CPLANE1: variants seen among roughly 807,000 people sequenced by gnomAD.
The protein encoded by CPLANE1 is ciliogenesis and planar polarity effector 1.
Under a neutral mutation model 362.5 loss-of-function variants are expected in CPLANE1, and 263 were observed. The ratio of observed to expected loss-of-function variants is 0.73; its 90% CI spans 0.66 to 0.80. CPLANE1 has a LOEUF of 0.80. Among genes scored for constraint, CPLANE1 ranks in the 30% least tolerant of loss-of-function variants. The pLI, the probability that CPLANE1 is intolerant of heterozygous loss-of-function variation, is 0.00. For synonymous variants in CPLANE1, 1,212 were observed against 1,302.6 expected (o/e 0.93, Z 1.50); for missense variants, 3,461 against 3,793.4 (o/e 0.91, Z 2.30).
Position 37,209,407 on chromosome 5 carries a change from G to A in CPLANE1, c.2921-2982C>T. The A allele has an allele frequency of 1.6e-6, 2 of 1,263,876 alleles. No homozygotes were observed. Among genetic ancestry groups the A allele is most frequent in the East Asian group, 4.6e-5 (2 of 43,020 alleles). The allele number at this position is 1,263,876 out of a possible 1,614,324, so 78.3% of individuals were successfully genotyped here. On this transcript the variant is annotated intron_variant, in intron 16 of 52. Transcript: ENST00000651892. This position sits in a 1 kb window ranked among gnomAD's most constrained non-coding sequence, Gnocchi z 4.6. The stretch of plus-strand genomic sequence containing the variant: ...ATGCTCCCCGTGGCTGATGTGTTGA[G>A]TCAAAATGAACTGCGCAAAAAGCTA...
In CPLANE1 at chr5:37,230,941, T is replaced by C; in HGVS notation, c.1047A>G (p.Thr349=). The C allele has an allele frequency of 1.3e-6, 2 of 1,550,902 alleles. No individual in the cohort carries two copies. Among genetic ancestry groups the C allele is most frequent in the Non-Finnish European group, 1.7e-6 (2 of 1,146,622 alleles). Residue 349 remains threonine (T), a synonymous_variant, in exon 9 of 53, where the codon ACA becomes ACG. Coordinates refer to ENST00000651892, the MANE Select transcript of CPLANE1 (RefSeq NM_001384732.1). ...VLLTCQGELL[T]LITFGCSIEF... ...CTATAGAGCAACCAAATGTAATTAA[T>C]GTTAGCAATTCACCTTGGCAGGTCA...
chr5:37,141,572 C>A (rs902294885), intron 44 of CPLANE1: 4 of 955,102 alleles, frequency 4.2e-6, no homozygotes, highest in Non-Finnish European at 5.0e-6. Flanking sequence ...ACAGTAATGC[C>A]ATTTAAAATA....
the CPLANE1 span, among the ~76,000 whole-genome samples, chr5:37,100,940 C>A: frequency 6.6e-6 from 1 of 152,066 alleles, no homozygotes; most frequent in Non-Finnish European, 1.5e-5. Flanking sequence ...GGAATGTCAG[C>A]GATTTTTGCA....
At chr5:37,211,611 G>C in intron 16 of CPLANE1, 1 of 866,072 alleles carries the variant, frequency 1.2e-6, no homozygotes, top group South Asian at 1.3e-5. Flanking sequence ...CCTTGAAAGT[G>C]AAATATATCT....
At chr5:37,095,089 A>C in the CPLANE1 span, among the ~76,000 whole-genome samples, 1 of 152,202 alleles carries the variant, frequency 6.6e-6, no homozygotes, top group East Asian at 1.9e-4. Context: ...CTATGAAGCC[A>C]GTTATCACCC....
intron 16 of CPLANE1, among the ~76,000 whole-genome samples, chr5:37,208,248 C>A (rs1791398393): frequency 6.6e-6 from 1 of 152,228 alleles, no homozygotes; most frequent in Admixed American, 6.5e-5. Flanking sequence ...CCCAGCCCTC[C>A]TCCTCTAGTT....
chr5:37,234,565 A>T (rs1373823837), intron 8 of CPLANE1, among the ~76,000 whole-genome samples: 1 of 151,932 alleles, frequency 6.6e-6, no homozygotes, highest in African/African-American at 2.4e-5. Context: ...AAGTGAGTGA[A>T]CTTATAAATT....
At chr5:37,211,708 A>T (rs1792657967) in intron 16 of CPLANE1, 1 of 780,200 alleles carries the variant, frequency 1.3e-6, no homozygotes, top group Admixed American at 1.7e-5. Flanking sequence ...TCTAGGCACA[A>T]CCTCTCCATC....
At chr5:37,123,569 T>A (rs1304334355) in intron 47 of CPLANE1, among the ~76,000 whole-genome samples, 1 of 152,158 alleles carries the variant, frequency 6.6e-6, no homozygotes, top group African/African-American at 2.4e-5. Context: ...GAGACAAGAG[T>A]GCACTCTGTT....
intron 8 of CPLANE1, among the ~76,000 whole-genome samples, chr5:37,237,509 T>C (rs1799272983): frequency 6.6e-6 from 1 of 152,174 alleles, no homozygotes; most frequent in South Asian, 2.1e-4. Context: ...CTATTAATAC[T>C]AAAAGCCCAC....
intron 4 of CPLANE1, 64 bp from the exon 5 acceptor site, chr5:37,244,671 T>C: frequency 1.1e-6 from 1 of 881,058 alleles, no homozygotes; most frequent in South Asian, 1.8e-5. Flanking sequence ...ATAAAGTACA[T>C]AATTTATGTA....
chr5:37,184,701 G>A (rs781387109), intron 25 of CPLANE1, 87 bp downstream of exon 25: 63 of 1,120,106 alleles, frequency 5.6e-5, no homozygotes, highest in Non-Finnish European at 8.0e-5. Context: ...AGTGAGGGTT[G>A]CTGGGACCAG....
chr5:37,217,013 G>A (rs1794227987), intron 15 of CPLANE1, among the ~76,000 whole-genome samples: 2 of 151,958 alleles, frequency 1.3e-5, no homozygotes, highest in African/African-American at 4.8e-5. Flanking sequence ...TTAAACAAAA[G>A]GAATTGAGAA....
intron 15 of CPLANE1, 142 bp downstream of exon 15, chr5:37,221,182 C>T (rs929116876): frequency 6.1e-6 from 3 of 488,414 alleles, no homozygotes; most frequent in Non-Finnish European, 1.1e-5. Flanking sequence ...AACAAGTAAA[C>T]ATACTGCATT....
intron 16 of CPLANE1, among the ~76,000 whole-genome samples, chr5:37,206,669 AAAC>A (rs1312933201): frequency 6.6e-6 from 1 of 152,208 alleles, no homozygotes; most frequent in Non-Finnish European, 1.5e-5. Context: ...AAGAGAAAAA[AAAC>A]AAAACAGAAT....
intron 46 of CPLANE1, among the ~76,000 whole-genome samples, chr5:37,132,469 C>G (rs979495977): frequency 5.9e-5 from 9 of 151,688 alleles, no homozygotes; most frequent in South Asian, 2.1e-4. Context: ...CTCAGCCTCC[C>G]GAGTAGCTGG....
intron 12 of CPLANE1, 37 bp downstream of exon 12, chr5:37,226,267 G>C: frequency 7.3e-7 from 1 of 1,369,746 alleles, no homozygotes; most frequent in Non-Finnish European, 9.6e-7. Flanking sequence ...AAAAAACTAA[G>C]CTAATAGTAT....
At chr5:37,223,563 G>T (rs1795800422) in intron 14 of CPLANE1, among the ~76,000 whole-genome samples, 1 of 152,226 alleles carries the variant, frequency 6.6e-6, no homozygotes, top group Non-Finnish European at 1.5e-5. Context: ...CGTAGGAGTT[G>T]CAGTCAGGGT....
In CPLANE1 at chr5:37,169,121, C is replaced by G. The variant is rs765445066; in HGVS notation, c.6903G>C (p.Lys2301Asn). The change falls in exon 34 of 53, where the codon AAG becomes AAC. Residue 2301 changes from lysine to asparagine, a missense_variant. Lys to Asn is a moderately conservative substitution (Grantham distance 94). Transcript: ENST00000651892. Reference sequence around the variant, plus strand: ...CTGTAATTACAGTTTCTGCCCACGTCTTCTGCTCAACTTCTTTTTTTCTGG... The same window carrying G: ...CTGTAATTACAGTTTCTGCCCACGTGTTCTGCTCAACTTCTTTTTTTCTGG... ...TEARKKEVEQ[K>N]TWAETVITEI... 4.3e-6 allele frequency: 7 copies of G among 1,614,060 alleles called. No homozygotes were observed. The Admixed American group carries it at 1.0e-4, about 23-fold the overall frequency.
Sources: gnomAD v4.1 joint callset for allele counts (sites outside exome capture counted in the v4.1 genomes callset) on GRCh38, gnomAD v4.1.1 for gene constraint, Gnocchi (gnomAD v3.1) non-coding constraint, MANE v1.5 for transcripts, NCBI Gene and HGNC (gene_info 2026-07-23, HGNC 2026-07-21) for gene names.